SASH1: variants seen among roughly 807,000 people sequenced by gnomAD.
The protein encoded by SASH1 is SAM and SH3 domain containing 1.
Under a neutral mutation model 125.2 loss-of-function variants are expected in SASH1, and 44 were observed. The ratio of observed to expected loss-of-function variants is 0.35; its 90% confidence interval spans 0.28 to 0.45. The LOEUF (loss-of-function observed/expected upper bound fraction) is 0.45, where lower values mean the gene tolerates loss of function less well. SASH1 is among the 20% of genes least tolerant of loss of function. The probability of loss-of-function intolerance (pLI) is 1.00; values close to 1 mark genes in which losing one functional copy is unlikely to be tolerated. For synonymous variants in SASH1, 639 were observed against 649.1 expected (o/e 0.98, Z 0.24); for missense variants, 1,426 against 1,614.5 (o/e 0.88, Z 2.00).
intron 1 of SASH1, among the ~76,000 whole-genome samples, chr6:148,328,497 G>A (rs1347869259): frequency 6.6e-6 from 1 of 151,868 alleles, no homozygotes; most frequent in Non-Finnish European, 1.5e-5. Flanking sequence ...GGAGGCTGAG[G>A]CAGGAGAATT....
intron 1 of SASH1, among the ~76,000 whole-genome samples, chr6:148,343,669 C>CT (rs961800024): frequency 1.2e-4 from 18 of 152,148 alleles, no homozygotes; most frequent in East Asian, 3.9e-4. Context: ...TGTTTGCCTA[C>CT]TTTTTTTTGC....
At chr6:148,219,982 A>T in the SASH1 span, among the ~76,000 whole-genome samples, 61 of 152,326 alleles carry the variant, frequency 4.0e-4, no homozygotes, top group African/African-American at 1.3e-3. Context: ...GTGAAATAGG[A>T]CATGCACTGA....
At chr6:148,537,774 TTCTGTGTGTGTGTGTGTGTGTG>T (rs1781938263) in intron 16 of SASH1, among the ~76,000 whole-genome samples, 1 of 110,740 alleles carries the variant, frequency 9.0e-6, no homozygotes, top group African/African-American at 3.3e-5. Context: ...TCTTAGCATA[TTCTGTGTGTGTGTGTGTGTGTG>T]TGTGTGTGTG....
the SASH1 span, among the ~76,000 whole-genome samples, chr6:148,227,310 T>G: frequency 6.6e-6 from 1 of 152,300 alleles, no homozygotes; most frequent in East Asian, 1.9e-4. Context: ...CTCCAACATC[T>G]AGAACAGTTT....
In SASH1 at chr6:148,330,470, G is replaced by A. The variant is rs199913157; in HGVS notation, n.74+58093G>A. Among the ~76,000 whole-genome samples the A allele has an allele frequency of 2.0e-4, 31 of 152,348 alleles. No individual in the cohort carries two copies. The East Asian group carries it at 4.0e-3, about 20-fold the overall frequency. On this transcript the variant is annotated intron_variant and non_coding_transcript_variant, in intron 1 of 3. Transcript: ENST00000367469. The stretch of plus-strand genomic sequence containing the variant: ...GTAAAGTTTATTAGAAGACAAGATT[G>A]ATAAATCAATTTGGTTGATGGATAC...
rs912059520 is a variant in SASH1 at position 148,470,946 on chromosome 6, G to C, written c.428-471G>C. On this transcript the variant is annotated intron_variant, in intron 5 of 19. Coordinates refer to ENST00000367467, the MANE Select transcript of SASH1 (RefSeq NM_015278.5). ...AGGACATACCAACCATTCTCTTCTT[G>C]TTGTTAAATCTGGAATAACAGAAAT... is the stretch of plus-strand genomic sequence containing the variant. Among the ~76,000 whole-genome samples, 6 of 152,210 alleles carry C rather than the reference G, an allele frequency of 3.9e-5. No individual in the cohort carries two copies. The East Asian group carries it at 5.8e-4, about 15-fold the overall frequency.
the SASH1 span, among the ~76,000 whole-genome samples, chr6:148,242,703 G>A: frequency 6.6e-6 from 1 of 152,034 alleles, no homozygotes; most frequent in Admixed American, 6.6e-5. Flanking sequence ...AATACATATC[G>A]CAATTTATTC....
intron 1 of SASH1, among the ~76,000 whole-genome samples, chr6:148,326,386 T>TATATATATATACA (rs1780826472): frequency 4.7e-5 from 3 of 63,248 alleles, no homozygotes; most frequent in South Asian, 7.6e-4. Context: ...ATTCTTTTCT[T>TATATATATATACA]TTCTTTTCTT....
intron 1 of SASH1, among the ~76,000 whole-genome samples, chr6:148,326,339 T>TATATATATATATATATGC (rs1780807408): frequency 1.3e-5 from 1 of 76,346 alleles, no homozygotes; most frequent in Non-Finnish European, 2.6e-5. Context: ...TATATATATA[T>TATATATATATATATATGC]ATATATATAT....
At chr6:148,361,417 G>A (rs7764674) in intron 1 of SASH1, among the ~76,000 whole-genome samples, 61,959 of 151,924 alleles carry the variant, frequency 0.41, 12,615 homozygotes, top group South Asian at 0.42. Context: ...AGCCTGACCA[G>A]CATGGAGAAA....
intron 2 of SASH1, among the ~76,000 whole-genome samples, chr6:148,408,961 T>A (rs1470204914): frequency 6.6e-6 from 1 of 152,228 alleles, no homozygotes; most frequent in Non-Finnish European, 1.5e-5. Flanking sequence ...ACCACCTTTT[T>A]TGCCCGCTAC....
chr6:148,487,090 T>TACACACACACACACACACACAC (rs1448530373), intron 7 of SASH1, among the ~76,000 whole-genome samples: 3 of 100,716 alleles, frequency 3.0e-5, no homozygotes, highest in African/African-American at 8.0e-5. Flanking sequence ...AACACATATA[T>TACACACACACACACACACACAC]ATACACACAC....
Position 148,548,428 on chromosome 6 carries a change from C to T in SASH1, c.3614C>T (p.Thr1205Ile). 2 of 1,614,230 alleles carry T rather than the reference C, an allele frequency of 1.2e-6. No individual in the cohort carries two copies. Among genetic ancestry groups the T allele is most frequent in the East Asian group, 2.2e-5 (1 of 44,884 alleles). The change falls in exon 20 of 20, where the codon ACA becomes ATA. Residue 1205 changes from threonine to isoleucine, a missense_variant. Thr to Ile is a moderately conservative substitution (Grantham distance 89). This residue lies in a region of SASH1 where 634 missense variants were observed against 694.4 expected (regional missense o/e 0.91). Transcript: ENST00000367467. ...AGTLSTAGFSTLSQVPSLSHT... is the reference protein window; with the variant it reads ...AGTLSTAGFSILSQVPSLSHT... Reference sequence around the variant, plus strand: ...ACCCTCTCCACCGCGGGCTTCAGCACACTGAGCCAAGTGCCTTCTCTGTCT... The same window carrying T: ...ACCCTCTCCACCGCGGGCTTCAGCATACTGAGCCAAGTGCCTTCTCTGTCT...
At chr6:148,377,846 C>T (rs1460245842) in intron 1 of SASH1, among the ~76,000 whole-genome samples, 1 of 152,108 alleles carries the variant, frequency 6.6e-6, no homozygotes, top group Non-Finnish European at 1.5e-5. Flanking sequence ...TATTGAATGC[C>T]AGATGATCTG....
At chr6:148,201,522 T>C in the SASH1 span, among the ~76,000 whole-genome samples, 1 of 151,980 alleles carries the variant, frequency 6.6e-6, no homozygotes, top group Non-Finnish European at 1.5e-5. Context: ...ACCCCCAAAT[T>C]TGCATTTTTC....
chr6:148,404,501 A>G (rs1160383517), intron 2 of SASH1, among the ~76,000 whole-genome samples: 2 of 151,990 alleles, frequency 1.3e-5, no homozygotes, highest in East Asian at 3.9e-4. Flanking sequence ...TAGAAAAAAA[A>G]ATGTGCTTGG....
intron 8 of SASH1, chr6:148,513,548 GA>G: frequency 1.0e-6 from 1 of 985,500 alleles, no homozygotes; most frequent in Non-Finnish European, 1.2e-6. Context: ...GCTGCAGAGA[GA>G]GATATTTTTC....
At chr6:148,524,110 TA>T (rs1219300749) in intron 10 of SASH1, among the ~76,000 whole-genome samples, 1,004 of 94,448 alleles carry the variant, frequency 0.011, 3 homozygotes, top group Non-Finnish European at 0.015. Flanking sequence ...TATATATATA[TA>T]TATATATATA....
the SASH1 span, among the ~76,000 whole-genome samples, chr6:148,220,462 T>G: frequency 6.6e-6 from 1 of 152,168 alleles, no homozygotes; most frequent in African/African-American, 2.4e-5. Flanking sequence ...ACCACCACAA[T>G]GAGAATTAAG....
Sources: gnomAD v4.1 joint callset for allele counts (sites outside exome capture counted in the v4.1 genomes callset) on GRCh38, gnomAD v4.1.1 for gene constraint, gnomAD v4.1.1 regional missense constraint, MANE v1.5 for transcripts, NCBI Gene and HGNC (gene_info 2026-07-23, HGNC 2026-07-21) for gene names.